Variants in ZBTB20 observed in about 807,000 individuals in gnomAD.
ZBTB20 encodes the protein zinc finger and BTB domain containing 20.
A neutral mutation model predicts 56.9 loss-of-function variants in ZBTB20; 9 were observed. The observed-to-expected ratio is 0.16, with a 90% CI of 0.10 to 0.28. ZBTB20 has a LOEUF of 0.28. Among genes scored for constraint, ZBTB20 ranks in the 10% least tolerant of loss-of-function variants. ZBTB20 has a pLI of 1.00. For synonymous variants in ZBTB20, 417 were observed against 420.7 expected, an observed-to-expected ratio of 0.99 and a Z score of 0.11; for missense variants, 655 against 1,003.0, an observed-to-expected ratio of 0.65 and a Z score of 4.69.
At chr3:114,778,359 C>G (rs1448373524) in intron 5 of ZBTB20, among the ~76,000 whole-genome samples, 3 of 149,260 alleles carry the variant, frequency 2.0e-5, no homozygotes, top group Middle Eastern at 3.4e-3. Context: ...CAAAACAAAA[C>G]AGCAACAACA....
chr3:114,810,816 A>C (rs1208325472), intron 4 of ZBTB20, among the ~76,000 whole-genome samples: 1 of 152,212 alleles, frequency 6.6e-6, no homozygotes, highest in Non-Finnish European at 1.5e-5. Context: ...GCGGGGGGGA[A>C]GTCTAACTGC....
intron 2 of ZBTB20, among the ~76,000 whole-genome samples, chr3:115,038,639 CA>C (rs1210313385): frequency 2.0e-5 from 3 of 152,068 alleles, no homozygotes; most frequent in Admixed American, 6.6e-5. Context: ...TTTGCCTAAA[CA>C]AGTTTATCCC....
chr3:114,810,475 A>C (rs1049918707), intron 4 of ZBTB20, among the ~76,000 whole-genome samples: 2 of 152,144 alleles, frequency 1.3e-5, no homozygotes, highest in African/African-American at 4.8e-5. Flanking sequence ...CCCTTTCAGC[A>C]GTGAAGTTGT....
chr3:115,105,965 G>A (rs111417924), intron 1 of ZBTB20, among the ~76,000 whole-genome samples: 3,222 of 151,506 alleles, frequency 0.021, 48 homozygotes, highest in South Asian at 0.05. Context: ...TTACAGGCGC[G>A]TGCCACCATG....
chr3:114,396,516 T>G (rs954202163), intron 7 of ZBTB20, among the ~76,000 whole-genome samples: 4 of 152,184 alleles, frequency 2.6e-5, no homozygotes, highest in Non-Finnish European at 5.9e-5. Flanking sequence ...TCCCATTTTA[T>G]AGACGAAGGA....
chr3:114,606,524 A>G (rs1369057498), intron 6 of ZBTB20, among the ~76,000 whole-genome samples: 1 of 152,122 alleles, frequency 6.6e-6, no homozygotes, highest in East Asian at 1.9e-4. Flanking sequence ...CAGGCTGCCC[A>G]CTGCTAAAAT....
intron 10 of ZBTB20, chr3:114,367,217 C>T (rs1209140033): frequency 6.6e-6 from 1 of 152,184 alleles, no homozygotes; most frequent in Non-Finnish European, 1.5e-5. Flanking sequence ...ACAATGTATT[C>T]TGAGGTAAGA....
chr3:115,063,499 C>T (rs1576684612), intron 2 of ZBTB20, among the ~76,000 whole-genome samples: 1 of 152,252 alleles, frequency 6.6e-6, no homozygotes, highest in Non-Finnish European at 1.5e-5. Context: ...ACCTTCATGG[C>T]CTAATTACCT....
intron 6 of ZBTB20, among the ~76,000 whole-genome samples, chr3:114,569,284 G>A (rs985286797): frequency 6.6e-6 from 1 of 152,182 alleles, no homozygotes; most frequent in African/African-American, 2.4e-5. Flanking sequence ...TTTAGCCATA[G>A]GAGCCAGTGG....
At chr3:115,057,501 T>G (rs77276740) in intron 2 of ZBTB20, among the ~76,000 whole-genome samples, 4,634 of 152,270 alleles carry the variant, frequency 0.03, 83 homozygotes, top group South Asian at 0.039. Context: ...TTATGTAATT[T>G]ATGTCAAACA....
chr3:114,929,385 C>A (rs1362876611), intron 3 of ZBTB20, among the ~76,000 whole-genome samples: 1 of 152,192 alleles, frequency 6.6e-6, no homozygotes, highest in Non-Finnish European at 1.5e-5. Flanking sequence ...AAGGGTGATT[C>A]TGTGCAACTG....
In ZBTB20 at chr3:114,329,952, A is replaced by T. The variant is rs905937645; in HGVS notation, c.*9053T>A. Reference sequence around the variant, plus strand: ...GAAACGCAGCCTGTTATTGTTGGTCAGATCATGTGGCACTTAAGTAGCCCC... The same window carrying T: ...GAAACGCAGCCTGTTATTGTTGGTCTGATCATGTGGCACTTAAGTAGCCCC... On this transcript the variant is annotated 3_prime_UTR_variant, in exon 12 of 12. Coordinates refer to ENST00000675478, the MANE Select transcript of ZBTB20 (RefSeq NM_001348800.3). The T allele has an allele frequency of 4.6e-5, 7 of 152,224 alleles. No individual in the cohort carries two copies. The highest frequency in any genetic ancestry group is 1.7e-4 in the African/African-American group (7 of 41,462). The allele number at this position is 152,224 out of a possible 1,614,324, so 9.4% of individuals were successfully genotyped here.
At chr3:114,856,704 C>T (rs2075271907) in intron 4 of ZBTB20, among the ~76,000 whole-genome samples, 1 of 152,076 alleles carries the variant, frequency 6.6e-6, no homozygotes, top group Non-Finnish European at 1.5e-5. Flanking sequence ...ATTTAAGCTC[C>T]TCATGATTTA....
In ZBTB20 at chr3:115,091,409, T is replaced by TA. The variant is rs1230301878; in HGVS notation, c.-702-19996dup. Among the ~76,000 whole-genome samples, 7 of 152,036 alleles carry TA rather than the reference T, an allele frequency of 4.6e-5. No individual in the cohort carries two copies. In the East Asian group the frequency reaches 1.4e-3, roughly 29 times the overall value. ...TCATTTTATACATAGGAAGTAGACC[T>TA]AAAAAAACTTAAGTATGTTACCCCA... On this transcript the variant is annotated intron_variant, in intron 1 of 11. Transcript: ENST00000675478.
chr3:114,799,225 C>T (rs1157949632), intron 5 of ZBTB20, among the ~76,000 whole-genome samples: 3 of 151,806 alleles, frequency 2.0e-5, no homozygotes, highest in African/African-American at 7.3e-5. Flanking sequence ...CATCATCTAC[C>T]CTGGAATTGG....
At chr3:115,059,683 C>T (rs1196995759) in intron 2 of ZBTB20, among the ~76,000 whole-genome samples, 1 of 152,136 alleles carries the variant, frequency 6.6e-6, no homozygotes, top group Non-Finnish European at 1.5e-5. Context: ...AATTCTACTG[C>T]CTCATCTCCC....
rs182123501 is a variant in ZBTB20, at chr3:115,091,498, A to G, written c.-702-20084T>C. On this transcript the variant is annotated intron_variant, in intron 1 of 11. Coordinates refer to ENST00000675478, the MANE Select transcript of ZBTB20 (RefSeq NM_001348800.3). ...TATCTTTACATCAAAGTCAATTACA[A>G]TACACACTTGTGAATAGGCAATGCC... Among the ~76,000 whole-genome samples the G allele has an allele frequency of 2.4e-3, 360 of 152,122 alleles. 2 individuals carry two copies. The highest frequency in any genetic ancestry group is 8.4e-3 in the African/African-American group (349 of 41,552).
At chr3:115,070,059 C>T (rs772567333) in intron 2 of ZBTB20, among the ~76,000 whole-genome samples, 13 of 152,008 alleles carry the variant, frequency 8.6e-5, no homozygotes, top group East Asian at 1.9e-4. Context: ...TCATGTTTTC[C>T]TTCTTGCTTA....
At chr3:114,755,250 T>A (rs928437572) in intron 5 of ZBTB20, among the ~76,000 whole-genome samples, 1 of 152,190 alleles carries the variant, frequency 6.6e-6, no homozygotes, top group African/African-American at 2.4e-5. Context: ...ACTAGCCTAT[T>A]AAATGTGACT....
Sources: gnomAD v4.1 joint callset for allele counts (sites outside exome capture counted in the v4.1 genomes callset) on GRCh38, gnomAD v4.1.1 for gene constraint, MANE v1.5 for transcripts, NCBI Gene and HGNC (gene_info 2026-07-23, HGNC 2026-07-21) for gene names.